Variants in RP1 observed in about 807,000 individuals in gnomAD.
RP1 encodes the protein oxygen-regulated protein 1.
Under a neutral mutation model 14.8 loss-of-function variants are expected in RP1, and 16 were observed. The ratio of observed to expected loss-of-function variants is 1.08; its 90% CI spans 0.73 to 1.65. RP1 has a LOEUF of 1.65. RP1 is among the 40% of genes most tolerant of loss of function. The pLI is 0.00. For missense variants in RP1, 2,631 were observed against 2,535.0 expected (o/e 1.04, Z -0.81); for synonymous variants, 876 against 883.6 (o/e 0.99, Z 0.15).
At chr8:54,742,020 C>T (rs1361702677) in intron 19 of RP1, among the ~76,000 whole-genome samples, 2 of 151,686 alleles carry the variant, frequency 1.3e-5, no homozygotes, top group African/African-American at 4.8e-5. Context: ...AGTAATTTGC[C>T]TGAGGTTCCT....
intron 15 of RP1, among the ~76,000 whole-genome samples, chr8:54,715,852 C>T (rs1223538279): frequency 6.6e-6 from 1 of 152,162 alleles, no homozygotes; most frequent in Non-Finnish European, 1.5e-5. Flanking sequence ...ATGCTCCCTG[C>T]TCTCAGGAAA....
chr8:54,795,483 T>C (rs1810558177), intron 24 of RP1, among the ~76,000 whole-genome samples: 1 of 152,120 alleles, frequency 6.6e-6, no homozygotes, highest in African/African-American at 2.4e-5. Context: ...AACAAAAATA[T>C]TATTGGCTTC....
intron 25 of RP1, among the ~76,000 whole-genome samples, chr8:54,847,177 T>C (rs898072488): frequency 1.3e-5 from 2 of 152,018 alleles, no homozygotes; most frequent in African/African-American, 4.8e-5. Context: ...AAAAGGGAAT[T>C]TTTTCTCCAG....
rs1465669254 is a variant in RP1, at chr8:54,741,703, GTGTGTATATATATATA to G, written c.2808+2676_2808+2691del. Among the ~76,000 whole-genome samples, 17 of 87,742 alleles carry G rather than the reference GTGTGTATATATATATA, an allele frequency of 1.9e-4. 3 individuals are homozygous for G. Among genetic ancestry groups the G allele is most frequent in the African/African-American group, 9.0e-4 (15 of 16,734 alleles). 57.6% of individuals were successfully genotyped at this position (87,742 alleles called of 152,430 possible). A position where few individuals can be genotyped will look rare whatever the true frequency, so the allele number is the denominator to read the frequency against. ...AATATGTACATATAAATACAAATGTGTGTGTATATATATATATATATATATATATATATATATATAT... is the reference window on the plus strand; with the variant it reads ...AATATGTACATATAAATACAAATGTGTATATATATATATATATATATATAT... On this transcript the variant is annotated intron_variant, in intron 19 of 22. Coordinates refer to the RP1 transcript ENST00000636932.
At chr8:54,600,641 T>C (rs4739035) in intron 1 of RP1, among the ~76,000 whole-genome samples, 106,533 of 152,030 alleles carry the variant, frequency 0.7, 38,586 homozygotes, top group African/African-American at 0.85. Context: ...TCATTATTGC[T>C]GGAGAAGGGC....
intron 14 of RP1, among the ~76,000 whole-genome samples, chr8:54,705,555 T>A (rs1296453320): frequency 6.6e-6 from 1 of 152,066 alleles, no homozygotes; most frequent in African/African-American, 2.4e-5. Context: ...CTACCCTAAG[T>A]CACATTATTA....
intron 24 of RP1, among the ~76,000 whole-genome samples, chr8:54,784,590 T>C (rs897199481): frequency 1.3e-5 from 2 of 152,120 alleles, no homozygotes; most frequent in Admixed American, 6.6e-5. Flanking sequence ...TGACAAACTC[T>C]GGGAAATGGT....
At chr8:54,583,889 CTT>C (rs1294818633) in intron 1 of RP1, among the ~76,000 whole-genome samples, 3 of 152,136 alleles carry the variant, frequency 2.0e-5, no homozygotes, top group African/African-American at 7.2e-5. Context: ...ATTCTTCTCT[CTT>C]TTCTTCTTTA....
intron 1 of RP1, among the ~76,000 whole-genome samples, chr8:54,570,534 G>A (rs1458138009): frequency 6.6e-6 from 1 of 151,634 alleles, no homozygotes; most frequent in Non-Finnish European, 1.5e-5. Flanking sequence ...TCACCATCTT[G>A]GCCAGGCTGT....
At chr8:54,723,764 A>C (rs1808588619) in intron 16 of RP1, among the ~76,000 whole-genome samples, 1 of 152,236 alleles carries the variant, frequency 6.6e-6, no homozygotes, top group South Asian at 2.1e-4. Flanking sequence ...AAAACTGTAG[A>C]TCAATATAAC....
intron 25 of RP1, among the ~76,000 whole-genome samples, chr8:54,840,102 A>C (rs181878222): frequency 7.9e-5 from 12 of 152,222 alleles, no homozygotes; most frequent in African/African-American, 2.9e-4. Flanking sequence ...TATTCTATTC[A>C]CCTCATTGCT....
exon 29 of RP1, chr8:54,870,697 TA>T (rs1346023848): frequency 1.3e-5 from 2 of 152,196 alleles, no homozygotes; most frequent in Non-Finnish European, 2.9e-5. Context: ...GCACATAAGC[TA>T]AAACTCATTT....
Position 54,740,494 on chromosome 8 carries a change from T to C in RP1, c.2808+1465T>C, listed in dbSNP as rs76723999. Among the ~76,000 whole-genome samples, 1,367 of 140,390 alleles carry C rather than the reference T, an allele frequency of 9.7e-3. 20 individuals carry two copies. Among genetic ancestry groups the C allele is most frequent in the South Asian group, 0.023 (102 of 4,394 alleles). The allele number at this position is 140,390 out of a possible 152,430, so 92.1% of individuals were successfully genotyped here. On this transcript the variant is annotated intron_variant, in intron 19 of 22. Transcript: ENST00000636932. ...ATCCTAGCACTTTGGGAGGCCAAGGTGGGTGGATCATGAGGTCAGGAGTTC... is the reference window on the plus strand; with the variant it reads ...ATCCTAGCACTTTGGGAGGCCAAGGCGGGTGGATCATGAGGTCAGGAGTTC...
intron 22 of RP1, among the ~76,000 whole-genome samples, chr8:54,769,184 A>T (rs937268343): frequency 2.6e-5 from 4 of 152,106 alleles, no homozygotes; most frequent in Non-Finnish European, 5.9e-5. Context: ...ATGAGCCACC[A>T]CGCCTGGCCA....
intron 24 of RP1, among the ~76,000 whole-genome samples, chr8:54,800,296 A>G (rs1296623698): frequency 1.3e-5 from 2 of 151,694 alleles, no homozygotes; most frequent in Non-Finnish European, 2.9e-5. Flanking sequence ...AGCAATTTGT[A>G]TATGATTTGC....
At chr8:54,704,336 A>G (rs1471123525) in intron 14 of RP1, among the ~76,000 whole-genome samples, 2 of 152,192 alleles carry the variant, frequency 1.3e-5, no homozygotes, top group Non-Finnish European at 2.9e-5. Flanking sequence ...GAGAGGCGAG[A>G]GAGAGATAGG....
At chr8:54,592,703 T>A (rs559244908) in intron 1 of RP1, among the ~76,000 whole-genome samples, 1 of 152,158 alleles carries the variant, frequency 6.6e-6, no homozygotes, top group Non-Finnish European at 1.5e-5. Context: ...GTTGCTAAAT[T>A]AGTCCAGTTG....
At chr8:54,861,974 C>A (rs368327981) in intron 27 of RP1, among the ~76,000 whole-genome samples, 2 of 152,230 alleles carry the variant, frequency 1.3e-5, no homozygotes, top group Middle Eastern at 3.4e-3. Flanking sequence ...GGCAAATTTG[C>A]GCCCTAGGGA....
chr8:54,685,327 T>C (rs942570532), intron 12 of RP1, among the ~76,000 whole-genome samples: 7 of 152,190 alleles, frequency 4.6e-5, no homozygotes, highest in African/African-American at 1.7e-4. Context: ...CTGCTTTAGC[T>C]GTGTCCCAGA....
Sources: gnomAD v4.1 joint callset for allele counts (sites outside exome capture counted in the v4.1 genomes callset) on GRCh38, gnomAD v4.1.1 for gene constraint, MANE v1.5 for transcripts, NCBI Gene and HGNC (gene_info 2026-07-23, HGNC 2026-07-21) for gene names.